Variants in HIVEP3 observed in about 807,000 individuals in gnomAD.
HIVEP3 encodes HIVEP zinc finger 3, also known as transcription factor HIVEP3.
In HIVEP3, 49 loss-of-function variants were observed where a neutral mutation model predicts 152.8. That is an observed-to-expected ratio of 0.32 (90% CI 0.26 to 0.41). HIVEP3 has a LOEUF of 0.41. Among genes scored for constraint, HIVEP3 ranks in the 10% least tolerant of loss-of-function variants. HIVEP3 has a pLI of 1.00. For synonymous variants in HIVEP3, 1,269 were observed against 1,289.0 expected, an observed-to-expected ratio of 0.98 and a Z score of 0.33; for missense variants, 2,790 against 3,103.3, an observed-to-expected ratio of 0.90 and a Z score of 2.40.
At chr1:41,651,082 T>C (rs753512308) in intron 2 of HIVEP3, among the ~76,000 whole-genome samples, 2 of 152,296 alleles carry the variant, frequency 1.3e-5, no homozygotes, top group African/African-American at 2.4e-5. Context: ...TCCACATCCA[T>C]GGATTCAACC....
At chr1:41,807,462 G>A (rs1409674427) in intron 1 of HIVEP3, among the ~76,000 whole-genome samples, 2 of 152,182 alleles carry the variant, frequency 1.3e-5, no homozygotes, top group Non-Finnish European at 2.9e-5. Context: ...AGTGAGGGAA[G>A]GAGGGACCTG....
intron 1 of HIVEP3, among the ~76,000 whole-genome samples, chr1:41,886,674 T>C (rs1644351515): frequency 7.7e-6 from 1 of 129,294 alleles, no homozygotes; most frequent in African/African-American, 3.0e-5. Context: ...ATCGCGCCAT[T>C]GCACTCCAGC....
intron 6 of HIVEP3, among the ~76,000 whole-genome samples, chr1:41,522,581 C>T (rs1271465469): frequency 6.6e-6 from 1 of 152,210 alleles, no homozygotes; most frequent in African/African-American, 2.4e-5. Flanking sequence ...GCCTACAGCC[C>T]CTCTGTTCAG....
intron 3 of HIVEP3, among the ~76,000 whole-genome samples, chr1:41,610,085 C>G (rs1644877098): frequency 6.6e-6 from 1 of 152,234 alleles, no homozygotes; most frequent in East Asian, 1.9e-4. Flanking sequence ...GGATCTCCAG[C>G]CTGCTGGCCC....
At chr1:41,817,585 G>A (rs960626691) in intron 1 of HIVEP3, among the ~76,000 whole-genome samples, 3 of 152,168 alleles carry the variant, frequency 2.0e-5, no homozygotes, top group African/African-American at 7.2e-5. Flanking sequence ...GGGATCCCAG[G>A]TCACCAGGAG....
In HIVEP3 at chr1:41,583,337, C is replaced by A. The variant is rs758644496; in HGVS notation, c.1461G>T (p.Arg487Ser). The change falls in exon 4 of 9, where the codon AGG becomes AGT. Residue 487 changes from arginine to serine, a missense_variant. Arg to Ser is a moderately radical substitution (Grantham distance 110, BLOSUM62 -1). Coordinates refer to ENST00000372583, the MANE Select transcript of HIVEP3 (RefSeq NM_024503.5). This position sits in a 1 kb window ranked among gnomAD's most constrained non-coding sequence, Gnocchi z 6.9. The stretch of plus-strand genomic sequence containing the variant: ...TGCTGCGCCTGGACAGTGAGCTCCG[C>A]CTTGGCTTCACGCTGTCGATCTCGC... ...DTSEIDSVKP[R>S]RSSLSRRSSM... 7 of 1,611,368 alleles carry A rather than the reference C, an allele frequency of 4.3e-6. No individual in the cohort carries two copies. The highest frequency in any genetic ancestry group is 5.9e-6 in the Non-Finnish European group (7 of 1,178,578).
chr1:41,905,071 C>G (rs1644688385), intron 1 of HIVEP3, among the ~76,000 whole-genome samples: 1 of 152,148 alleles, frequency 6.6e-6, no homozygotes, highest in Non-Finnish European at 1.5e-5. Flanking sequence ...TTTTTGTGAA[C>G]TAGGGTATAA....
At chr1:41,906,596 A>G (rs1164647985) in intron 1 of HIVEP3, among the ~76,000 whole-genome samples, 1 of 152,122 alleles carries the variant, frequency 6.6e-6, no homozygotes. Context: ...AATGTTCTAT[A>G]TTTTGATGGT....
At position 41,873,116 on chromosome 1, in the gene HIVEP3, G is replaced by A. The variant is rs12410469; in HGVS notation, c.-801+45297C>T. On this transcript the variant is annotated intron_variant, in intron 1 of 8. Transcript: ENST00000372583. This position sits in a 1 kb window ranked among gnomAD's most constrained non-coding sequence, Gnocchi z 4.2. The stretch of plus-strand genomic sequence containing the variant: ...TGCTTTGCTGAAGGGGCTGGCAGGC[G>A]GCTTCCCAGGCAGGGTCTGCTCAGG... Among the ~76,000 whole-genome samples, 42,844 of 152,138 alleles carry A rather than the reference G, an allele frequency of 0.28. 6,686 individuals carry two copies. The highest frequency in any genetic ancestry group is 0.55 in the East Asian group (2,832 of 5,166).
chr1:41,579,340 G>A (rs1644366082), intron 4 of HIVEP3, among the ~76,000 whole-genome samples: 1 of 152,160 alleles, frequency 6.6e-6, no homozygotes, highest in Non-Finnish European at 1.5e-5. Context: ...AACAAGACAA[G>A]GGATATCCAT....
intron 2 of HIVEP3, among the ~76,000 whole-genome samples, chr1:41,651,411 C>CAAAAAAAAA (rs35508121): frequency 1.1e-5 from 1 of 89,066 alleles, no homozygotes; most frequent in Non-Finnish European, 2.2e-5. Flanking sequence ...AACTCCATCT[C>CAAAAAAAAA]AAAAAAAAAA....
chr1:41,622,270 CA>C (rs954279650), intron 3 of HIVEP3, among the ~76,000 whole-genome samples: 15 of 152,050 alleles, frequency 9.9e-5, no homozygotes, highest in African/African-American at 3.6e-4. Context: ...CACAGAATCC[CA>C]GAGTAAAGGT....
At chr1:41,862,476 C>T (rs529780561) in intron 1 of HIVEP3, among the ~76,000 whole-genome samples, 3 of 152,210 alleles carry the variant, frequency 2.0e-5, no homozygotes, top group South Asian at 2.1e-4. Flanking sequence ...GTTTTCTTTT[C>T]TCCTCCCCTC....
chr1:41,926,891 ATCTT>A (rs1174136392), intron 1 of HIVEP3, among the ~76,000 whole-genome samples: 5 of 152,174 alleles, frequency 3.3e-5, no homozygotes, highest in Non-Finnish European at 7.3e-5. Flanking sequence ...GCATATGTAT[ATCTT>A]TAAGGCTCCA....
intron 1 of HIVEP3, among the ~76,000 whole-genome samples, chr1:41,959,471 C>T (rs1316439247): frequency 6.6e-6 from 1 of 152,192 alleles, no homozygotes; most frequent in Non-Finnish European, 1.5e-5. Flanking sequence ...GAACACATGA[C>T]CATGTGATCC....
intron 5 of HIVEP3, among the ~76,000 whole-genome samples, chr1:41,557,682 G>A (rs552333398): frequency 2.0e-5 from 3 of 152,184 alleles, no homozygotes; most frequent in South Asian, 2.1e-4. Context: ...CAGGGGTGGG[G>A]GGCAGAGGGG....
Position 41,918,741 on chromosome 1 carries a change from T to C in HIVEP3, c.-1129A>G, listed in dbSNP as rs1644912616. 6.6e-6 allele frequency: 1 copy of C among 152,286 alleles called. No homozygotes were observed. The highest frequency in any genetic ancestry group is 1.9e-4 in the East Asian group (1 of 5,176). 9.4% of individuals were successfully genotyped at this position (152,286 alleles called of 1,614,324 possible). A position where few individuals can be genotyped will look rare whatever the true frequency, so the allele number is the denominator to read the frequency against. ...CGCCGGGAACAGATCCACCCTCTGT[T>C]ATTCCTCTGAATAAATATAAATCAC... is the stretch of plus-strand genomic sequence containing the variant. On this transcript the variant is annotated 5_prime_UTR_variant, in exon 1 of 9. It adds an upstream start codon to the 5' untranslated region. Transcript: ENST00000372583. This position sits in a 1 kb window ranked among gnomAD's most constrained non-coding sequence, Gnocchi z 4.3.
intron 1 of HIVEP3, among the ~76,000 whole-genome samples, chr1:41,857,504 G>GA (rs111289363): frequency 0.062 from 9,082 of 147,438 alleles, 848 homozygotes; most frequent in African/African-American, 0.21. Context: ...ACCAAGTATA[G>GA]AAAAAAAAAA....
rs905611344 is a variant in HIVEP3, at chr1:41,989,790, T to C, written n.119+46017A>G. Among the ~76,000 whole-genome samples, 7 of 151,248 alleles carry C rather than the reference T, an allele frequency of 4.6e-5. 1 individual carries two copies. Among genetic ancestry groups the C allele is most frequent in the Admixed American group, 1.3e-4 (2 of 15,156 alleles). On this transcript the variant is annotated intron_variant and non_coding_transcript_variant, in intron 1 of 3. Transcript: ENST00000489103. ...CATTTGCTTGGTAGATCTTCCTCCA[T>C]CCTTTTATTTTGAGCCTATGTGTGT...
Sources: allele counts gnomAD v4.1 joint callset (sites outside exome capture counted in the v4.1 genomes callset), GRCh38; gene constraint gnomAD v4.1.1; non-coding constraint Gnocchi (gnomAD v3.1); transcripts MANE v1.5; gene names NCBI Gene and HGNC (gene_info 2026-07-23, HGNC 2026-07-21).